The following ROBO2 variants were observed in gnomAD, a reference collection of about 807,000 sequenced individuals.
ROBO2 encodes the protein roundabout guidance receptor 2.
Under a neutral mutation model 160.8 loss-of-function variants are expected in ROBO2, and 53 were observed. That is an observed-to-expected ratio of 0.33 (90% CI 0.26 to 0.41). ROBO2 has a LOEUF of 0.41. Among genes scored for constraint, ROBO2 ranks in the 10% least tolerant of loss-of-function variants. ROBO2 has a pLI of 1.00. For missense variants in ROBO2, 1,577 were observed against 1,722.4 expected, an observed-to-expected ratio of 0.92 and a Z score of 1.49; for synonymous variants, 664 against 611.7, an observed-to-expected ratio of 1.09 and a Z score of -1.26.
rs368070609 is a variant in ROBO2 at position 76,101,973 on chromosome 3, G to A, written c.109+164371G>A. On this transcript the variant is annotated intron_variant, in intron 2 of 26. Transcript: ENST00000487694. The stretch of plus-strand genomic sequence containing the variant: ...TCCAAGTGTTCCCATTATACCCCGG[G>A]GTGTGATGTTCCCCTTCCTGTGTCC... Among the ~76,000 whole-genome samples, 36 of 147,142 alleles carry A rather than the reference G, an allele frequency of 2.4e-4. No individual in the cohort carries two copies. The South Asian group carries it at 8.0e-3, about 33-fold the overall frequency.
intron 2 of ROBO2, among the ~76,000 whole-genome samples, chr3:76,117,826 A>G (rs1308343828): frequency 6.6e-6 from 1 of 152,252 alleles, no homozygotes; most frequent in Non-Finnish European, 1.5e-5. Context: ...TATAAGTTTC[A>G]TAAATGTATT....
At chr3:77,007,306 A>G (rs1055961937) in intron 2 of ROBO2, among the ~76,000 whole-genome samples, 8 of 152,128 alleles carry the variant, frequency 5.3e-5, no homozygotes, top group Non-Finnish European at 1.0e-4. Context: ...CGACAGATAC[A>G]TGCATTTTCT....
At chr3:75,982,367 T>C (rs1040262914) in intron 2 of ROBO2, among the ~76,000 whole-genome samples, 1 of 151,588 alleles carries the variant, frequency 6.6e-6, no homozygotes, top group African/African-American at 2.4e-5. Flanking sequence ...CCATAGTGGT[T>C]GTATAAATTT....
chr3:76,427,576 T>C (rs2076271330), intron 2 of ROBO2, among the ~76,000 whole-genome samples: 1 of 152,124 alleles, frequency 6.6e-6, no homozygotes, highest in Non-Finnish European at 1.5e-5. Flanking sequence ...TTCCCAGTTG[T>C]GATGTCAAAA....
intron 2 of ROBO2, among the ~76,000 whole-genome samples, chr3:76,663,246 A>T (rs1202775535): frequency 6.6e-6 from 1 of 152,178 alleles, no homozygotes; most frequent in Non-Finnish European, 1.5e-5. Flanking sequence ...CAGACAAGAG[A>T]AATTCAGTTA....
intron 2 of ROBO2, among the ~76,000 whole-genome samples, chr3:76,741,716 T>TG (rs2093804639): frequency 6.6e-6 from 1 of 151,770 alleles, no homozygotes; most frequent in Non-Finnish European, 1.5e-5. Flanking sequence ...TTCTCTAATT[T>TG]TTATCCATGG....
chr3:77,343,940 G>A (rs1469351150), intron 2 of ROBO2, among the ~76,000 whole-genome samples: 1 of 152,172 alleles, frequency 6.6e-6, no homozygotes, highest in Non-Finnish European at 1.5e-5. Flanking sequence ...CTCCTACTAT[G>A]TGTCAGGTTC....
chr3:75,925,176 T>G (rs1947238536), intron 1 of ROBO2, among the ~76,000 whole-genome samples: 1 of 151,916 alleles, frequency 6.6e-6, no homozygotes, highest in Non-Finnish European at 1.5e-5. Flanking sequence ...ACGGGTTGCT[T>G]GAGCCCAGGA....
chr3:76,001,382 C>T (rs1221691508), intron 2 of ROBO2, among the ~76,000 whole-genome samples: 2 of 152,160 alleles, frequency 1.3e-5, no homozygotes, highest in African/African-American at 4.8e-5. Context: ...TACTTAGATA[C>T]ACAACACACT....
At chr3:76,524,863 A>AAT (rs2081857015) in intron 2 of ROBO2, among the ~76,000 whole-genome samples, 1 of 116,458 alleles carries the variant, frequency 8.6e-6, no homozygotes, top group Non-Finnish European at 1.7e-5. Context: ...AAAAAAAAAA[A>AAT]AAATAAGTAA....
intron 2 of ROBO2, among the ~76,000 whole-genome samples, chr3:77,381,280 AC>A (rs973275295): frequency 6.6e-6 from 1 of 152,142 alleles, no homozygotes; most frequent in African/African-American, 2.4e-5. Context: ...ACGCCACTGC[AC>A]CCCAGCCTGG....
At chr3:76,208,883 G>A (rs62267402) in intron 2 of ROBO2, among the ~76,000 whole-genome samples, 1 of 151,858 alleles carries the variant, frequency 6.6e-6, no homozygotes. Flanking sequence ...CCCCTATAAT[G>A]ACAAGCTGAA....
chr3:77,376,382 T>A (rs1374955983), intron 2 of ROBO2, among the ~76,000 whole-genome samples: 2 of 152,014 alleles, frequency 1.3e-5, no homozygotes, highest in East Asian at 3.9e-4. Context: ...GGTCTCGAAC[T>A]CCTGACCTCA....
chr3:76,421,969 T>C (rs888760946), intron 2 of ROBO2, among the ~76,000 whole-genome samples: 2 of 152,124 alleles, frequency 1.3e-5, no homozygotes. Context: ...AATTCTTGCT[T>C]CCTGACATGC....
chr3:76,232,315 T>A (rs1559667587), intron 2 of ROBO2, among the ~76,000 whole-genome samples: 1 of 152,234 alleles, frequency 6.6e-6, no homozygotes, highest in Non-Finnish European at 1.5e-5. Context: ...ATAATTTGGA[T>A]GTATCTTGGC....
intron 2 of ROBO2, among the ~76,000 whole-genome samples, chr3:76,734,164 C>T (rs2107904813): frequency 6.6e-6 from 1 of 152,180 alleles, no homozygotes; most frequent in East Asian, 1.9e-4. Context: ...ACGTCTAGCC[C>T]ATAATACCCA....
At chr3:77,427,533 G>A (rs2153538320) in intron 2 of ROBO2, among the ~76,000 whole-genome samples, 2 of 152,288 alleles carry the variant, frequency 1.3e-5, no homozygotes, top group South Asian at 4.1e-4. Context: ...TTTGGGATGA[G>A]TGGGTTGAGG....
At chr3:77,468,560 A>AT (rs1198258911) in intron 2 of ROBO2, among the ~76,000 whole-genome samples, 7 of 152,180 alleles carry the variant, frequency 4.6e-5, no homozygotes, top group African/African-American at 7.2e-5. Context: ...TTCAAATTAT[A>AT]TTGTGGGTGA....
At chr3:76,889,331 G>T (rs2074160390) in intron 2 of ROBO2, among the ~76,000 whole-genome samples, 1 of 152,132 alleles carries the variant, frequency 6.6e-6, no homozygotes. Flanking sequence ...TTCATAACTT[G>T]TTAAGGTATC....
Sources: allele counts gnomAD v4.1 joint callset (sites outside exome capture counted in the v4.1 genomes callset), GRCh38; gene constraint gnomAD v4.1.1; transcripts MANE v1.5; gene names NCBI Gene and HGNC (gene_info 2026-07-23, HGNC 2026-07-21).